Variants in ZNF705D observed in about 807,000 individuals in gnomAD.
The protein encoded by ZNF705D is putative zinc finger protein 705C.
For missense variants in ZNF705D, 6 were observed against 129.4 expected (o/e 0.05, Z 4.63); for synonymous variants, 1 against 43.8 (o/e 0.02, Z 3.86).
chr8:12,090,227 C>G, the ZNF705D span, among the ~76,000 whole-genome samples: 2 of 84,098 alleles, frequency 2.4e-5, 1 homozygote, highest in Non-Finnish European at 5.6e-5. Context: ...CTTCCAGTGC[C>G]TTTGTGCTAC....
At chr8:12,099,186 TA>T in the ZNF705D span, among the ~76,000 whole-genome samples, 3 of 91,074 alleles carry the variant, frequency 3.3e-5, 1 homozygote, top group Non-Finnish European at 5.0e-5. Context: ...GACAAAAATT[TA>T]GTAGAATAAT....
rs1003265028 is a variant in ZNF705D at position 12,112,076 on chromosome 8, AT to A, written c.319-491del. Among the ~76,000 whole-genome samples the A allele has an allele frequency of 1.1e-4, 4 of 35,492 alleles. 1 individual carries two copies. The highest frequency in any genetic ancestry group is 1.6e-4 in the Non-Finnish European group (3 of 18,500). 23.3% of individuals were successfully genotyped at this position (35,492 alleles called of 152,430 possible). A position where few individuals can be genotyped will look rare whatever the true frequency, so the allele number is the denominator to read the frequency against. On this transcript the variant is annotated intron_variant, in intron 4 of 4. Coordinates refer to ENST00000400078, the Ensembl canonical transcript of ZNF705D. Reference sequence around the variant, plus strand: ...CATTTTTCTGGCTCAGTGAATCTGGATTTTTTTACATAACATGACATAAACA... The same window carrying A: ...CATTTTTCTGGCTCAGTGAATCTGGATTTTTTACATAACATGACATAAACA...
the ZNF705D span, among the ~76,000 whole-genome samples, chr8:12,096,270 CT>C: frequency 9.3e-4 from 2 of 2,152 alleles, no homozygotes; most frequent in Admixed American, 0.01. Context: ...AAACCAGCAC[CT>C]TTTTTTTTTT....
At chr8:12,109,053 T>A (rs1356411045) in intron 1 of ZNF705D, among the ~76,000 whole-genome samples, 1 of 87,536 alleles carries the variant, frequency 1.1e-5, no homozygotes, top group African/African-American at 3.2e-5. Flanking sequence ...AGTGAGAAGG[T>A]CAATTTAAAA....
rs1366162270 is a variant in ZNF705D at position 12,110,346 on chromosome 8, A to C, written c.139+320A>C. Among the ~76,000 whole-genome samples the C allele has an allele frequency of 1.2e-4, 10 of 81,924 alleles. 5 individuals are homozygous for C. In the East Asian group the frequency reaches 7.6e-3, roughly 63 times the overall value. The allele number at this position is 81,924 out of a possible 152,430, so 53.7% of individuals were successfully genotyped here. A position where few individuals can be genotyped will look rare whatever the true frequency, so the allele number is the denominator to read the frequency against. The stretch of plus-strand genomic sequence containing the variant: ...AATGTATTAAATTACTCTCTAAATA[A>C]CTCTTCTGCTTTAGTCTATGCTTAG... On this transcript the variant is annotated intron_variant, in intron 2 of 4. Transcript: ENST00000400078.
upstream of ZNF705D, among the ~76,000 whole-genome samples, chr8:12,105,835 T>A (rs1406304588): frequency 1.4e-4 from 5 of 36,530 alleles, 1 homozygote; most frequent in Non-Finnish European, 2.4e-4. Context: ...AAGTTGTTAT[T>A]TCTGCTCTGG....
At chr8:12,103,074 C>A (rs1253392619), upstream of ZNF705D, among the ~76,000 whole-genome samples, 1 of 91,138 alleles carries the variant, frequency 1.1e-5, no homozygotes. Context: ...AGGTTGATTC[C>A]ATGTCTTTGC....
At chr8:12,109,301 C>T (rs1301898362) in intron 1 of ZNF705D, among the ~76,000 whole-genome samples, 20 of 66,654 alleles carry the variant, frequency 3.0e-4, no homozygotes, top group South Asian at 9.1e-4. Flanking sequence ...CTGAAGAATG[C>T]TGGAGTCTGG....
chr8:12,099,168 GC>G, the ZNF705D span, among the ~76,000 whole-genome samples: 7,471 of 84,608 alleles, frequency 0.088, 1,318 homozygotes, highest in African/African-American at 0.21. Flanking sequence ...AACTAGAGGA[GC>G]TTTGGAGACA....
At chr8:12,106,553 A>AG (rs1317969282), upstream of ZNF705D, among the ~76,000 whole-genome samples, 2 of 24,552 alleles carry the variant, frequency 8.1e-5, no homozygotes, top group African/African-American at 1.3e-4. Context: ...TTTGTCAAAA[A>AG]GCAAGAAGAG....
chr8:12,090,731 G>T, the ZNF705D span, among the ~76,000 whole-genome samples: 1 of 48,520 alleles, frequency 2.1e-5, no homozygotes, highest in Non-Finnish European at 5.8e-5. Flanking sequence ...GCTGTATATT[G>T]GATCTTTGTC....
exon 5 of ZNF705D, chr8:12,113,120 T>C: frequency 7.1e-7 from 1 of 1,415,006 alleles, no homozygotes; most frequent in Non-Finnish European, 9.6e-7. Flanking sequence ...TTGTCTTCTA[T>C]GTGGGAAGGC....
the ZNF705D span, chr8:12,095,217 G>T: frequency 2.6e-5 from 33 of 1,246,644 alleles, 7 homozygotes; most frequent in African/African-American, 4.0e-4. Flanking sequence ...CTTGGTTGAT[G>T]CCCCAGAGGC....
chr8:12,106,248 A>ATTT (rs34124930), upstream of ZNF705D, among the ~76,000 whole-genome samples: 3 of 108,866 alleles, frequency 2.8e-5, no homozygotes, highest in Non-Finnish European at 4.1e-5. Context: ...CTAATATCTT[A>ATTT]TTTTTTTTGA....
upstream of ZNF705D, among the ~76,000 whole-genome samples, chr8:12,106,548 CA>C (rs1802216024): frequency 4.0e-5 from 1 of 25,194 alleles, no homozygotes; most frequent in Non-Finnish European, 1.5e-4. Flanking sequence ...GTAATTTTGT[CA>C]AAAAGCAAGA....
the ZNF705D span, among the ~76,000 whole-genome samples, chr8:12,089,939 G>A: frequency 1.2e-3 from 60 of 49,368 alleles, no homozygotes; most frequent in African/African-American, 1.9e-3. Context: ...TTTCCAGGCC[G>A]AAGGCGAATC....
upstream of ZNF705D, among the ~76,000 whole-genome samples, chr8:12,102,986 T>C (rs1466523653): frequency 2.2e-3 from 180 of 82,500 alleles, no homozygotes; most frequent in African/African-American, 5.2e-3. Flanking sequence ...AAGGACATAA[T>C]TTTTTTATGG....
chr8:12,090,163 C>A, the ZNF705D span, among the ~76,000 whole-genome samples: 1 of 92,274 alleles, frequency 1.1e-5, no homozygotes, highest in African/African-American at 2.7e-5. Flanking sequence ...GGCCACCCCC[C>A]CGATGGATGT....
chr8:12,089,956 G>T, the ZNF705D span, among the ~76,000 whole-genome samples: 4 of 51,136 alleles, frequency 7.8e-5, 1 homozygote, highest in Admixed American at 3.7e-4. Context: ...AATCTGGCTT[G>T]AAAACTTACC....
Sources: allele counts gnomAD v4.1 joint callset (sites outside exome capture counted in the v4.1 genomes callset), GRCh38; gene constraint gnomAD v4.1.1; transcripts MANE v1.5; gene names NCBI Gene and HGNC (gene_info 2026-07-23, HGNC 2026-07-21).